The following RTL5 variants were observed in gnomAD, a reference collection of about 807,000 sequenced individuals.
The protein encoded by RTL5 is retrotransposon Gag-like protein 5.
In RTL5, 8 loss-of-function variants were observed where a neutral mutation model predicts 7.7. That is an observed-to-expected ratio of 1.04 (90% CI 0.61 to 1.88). RTL5 has a LOEUF of 1.88. Ranked by LOEUF, RTL5 falls within the 40% of genes most tolerant of loss-of-function variation. RTL5 has a pLI of 0.00. For synonymous variants in RTL5, 188 were observed against 191.8 expected, an observed-to-expected ratio of 0.98 and a Z score of 0.16; for missense variants, 457 against 472.7, an observed-to-expected ratio of 0.97 and a Z score of 0.31.
chrX:72,130,329 T>C, exon 1 of RTL5: 1 of 1,174,523 alleles, frequency 8.5e-7, no homozygotes, highest in Non-Finnish European at 1.2e-6. Flanking sequence ...CCTCCTCCTC[T>C]TTCTGTTTCA....
At chrX:72,131,244 G>C (rs2042294785) in exon 1 of RTL5, 1 of 1,197,951 alleles carries the variant, frequency 8.3e-7, no homozygotes, top group Admixed American at 2.2e-5. Context: ...GATCATCCGA[G>C]ATACAGTCGG....
chrX:72,129,578 C>G (rs149578526), exon 1 of RTL5: 2 of 367,227 alleles, frequency 5.4e-6, no homozygotes, highest in Non-Finnish European at 9.4e-6. Context: ...AGCTCGTGGC[C>G]GGACTGAGCA....
At chrX:72,131,158 G>A in exon 1 of RTL5, 1 of 1,183,583 alleles carries the variant, frequency 8.4e-7, no homozygotes, top group South Asian at 1.8e-5. Flanking sequence ...CAGCGCCGGC[G>A]GGGGCGGGAT....
chrX:72,131,158 G>T, exon 1 of RTL5: 1 of 1,183,577 alleles, frequency 8.4e-7, no homozygotes, highest in Non-Finnish European at 1.1e-6. Flanking sequence ...CAGCGCCGGC[G>T]GGGGCGGGAT....
exon 1 of RTL5, chrX:72,129,652 C>T: frequency 2.1e-6 from 1 of 469,817 alleles, no homozygotes; most frequent in Non-Finnish European, 3.5e-6. Context: ...TGGTTGGGCA[C>T]ACGTCGCTCT....
chrX:72,131,665 C>T lies in RTL5; in HGVS notation c.-125G>A. ...GGGACCGAAGTGCGGCAGCGGGGCA[C>T]GGGCCAGGCCGGGCCACACCCACCG... On this transcript the variant is annotated 5_prime_UTR_variant, in exon 1 of 1. The change creates a new upstream start codon in the 5' untranslated region. Coordinates refer to ENST00000609883, the Ensembl canonical transcript of RTL5. 2 of 609,636 alleles carry T rather than the reference C, an allele frequency of 3.3e-6. No individual in the cohort carries two copies. The highest frequency in any genetic ancestry group is 4.1e-5 in the East Asian group (1 of 24,288). The allele number at this position is 609,636 out of a possible 1,213,427, so 50.2% of individuals were successfully genotyped here. A position where few individuals can be genotyped will look rare whatever the true frequency, so the allele number is the denominator to read the frequency against.
At position 72,131,489 on chromosome X, in the gene RTL5, G is replaced by A. The variant is rs773328666; in HGVS notation, c.52C>T (p.Leu18=). Reference sequence around the variant, plus strand: ...CGAAGGGCATTTAATTCTTCGCGCAGGGCCACATTCGCCATGCGGAGGCTG... The same window carrying A: ...CGAAGGGCATTTAATTCTTCGCGCAAGGCCACATTCGCCATGCGGAGGCTG... The change falls in exon 1 of 1, where the codon CTG becomes TTG. Residue 18 remains leucine (L), a synonymous_variant. Transcript: ENST00000609883. 3.7e-5 allele frequency: 44 copies of A among 1,202,541 alleles called. No individual in the cohort carries two copies. In the East Asian group the frequency reaches 3.9e-4, roughly 11 times the overall value.
At chrX:72,127,932 G>T (rs1240220691) in exon 1 of RTL5, 3 of 112,895 alleles carry the variant, frequency 2.7e-5, no homozygotes, top group African/African-American at 9.7e-5. Context: ...CACTAGAAAG[G>T]AAAGCAGCAA....
chrX:72,130,603 A>G, exon 1 of RTL5: 5 of 1,211,627 alleles, frequency 4.1e-6, no homozygotes, highest in Non-Finnish European at 5.6e-6. Context: ...AGGCTTGGGA[A>G]CGCGCACTTT....
Position 72,129,872 on chromosome X carries a change from G to A in RTL5, c.1669C>T (p.Gln557Ter). ...CCACGAGCAGCTCGGTGGCCCCCCT[G>A]TCTCGGAGTGAGGCGGAAAAGCACA... is the stretch of plus-strand genomic sequence containing the variant. Residue 557 changes from glutamine (Q) to a stop codon, truncating the protein, a stop_gained, in exon 1 of 1, where the codon CAG becomes TAG. Transcript: ENST00000609883. LOFTEE classifies it high-confidence loss of function. 6.6e-6 allele frequency: 8 copies of A among 1,205,461 alleles called. No individual in the cohort carries two copies. The highest frequency in any genetic ancestry group is 7.8e-6 in the Non-Finnish European group (7 of 891,964).
chrX:72,130,921 G>A (rs1318513683), exon 1 of RTL5: 1 of 1,210,253 alleles, frequency 8.3e-7, no homozygotes, highest in Non-Finnish European at 1.1e-6. Context: ...TCCTTCCTGG[G>A]TGACCGAGAT....
exon 1 of RTL5, chrX:72,128,305 G>A (rs1358101367): frequency 8.9e-6 from 1 of 112,206 alleles, no homozygotes; most frequent in East Asian, 2.8e-4. Flanking sequence ...AGACTCCCAT[G>A]AGGAACAGAG....
exon 1 of RTL5, chrX:72,131,578 G>A (rs1329398455): frequency 8.8e-6 from 10 of 1,138,170 alleles, no homozygotes; most frequent in Non-Finnish European, 1.2e-5. Context: ...CCGTGGTGGG[G>A]AAAGGGGAAC....
exon 1 of RTL5, chrX:72,130,025 G>A (rs1028313139): frequency 3.3e-6 from 4 of 1,209,256 alleles, no homozygotes; most frequent in South Asian, 1.8e-5. Flanking sequence ...TGGTTCCTCC[G>A]TCTGCTAGGC....
At chrX:72,129,185 T>C (rs2042257477) in exon 1 of RTL5, 1 of 113,110 alleles carries the variant, frequency 8.8e-6, no homozygotes, top group Admixed American at 9.3e-5. Flanking sequence ...AGGGCAAATC[T>C]CCGTCAAGTT....
chrX:72,131,557 G>T (rs767958753), exon 1 of RTL5: 3 of 1,150,696 alleles, frequency 2.6e-6, no homozygotes, highest in Non-Finnish European at 1.2e-6. Context: ...AAGCCCAGGG[G>T]CCCTGGGGCT....
exon 1 of RTL5, chrX:72,131,060 C>A (rs2042290036): frequency 8.3e-7 from 1 of 1,210,311 alleles, no homozygotes; most frequent in African/African-American, 1.7e-5. Context: ...GCCAGGTAGA[C>A]TGGGTCTCCT....
exon 1 of RTL5, chrX:72,130,395 C>T: frequency 4.2e-6 from 5 of 1,184,513 alleles, no homozygotes; most frequent in Non-Finnish European, 5.7e-6. Context: ...CTTCCTCCTT[C>T]TTCATCTCCT....
chrX:72,131,339 T>A lies in RTL5; in HGVS notation c.202A>T (p.Asn68Tyr), dbSNP rs1282695752. The A allele has an allele frequency of 3.3e-6, 4 of 1,203,283 alleles. No individual in the cohort carries two copies. The Admixed American group carries it at 8.9e-5, about 27-fold the overall frequency. ...ATCTCACTGAGCGCGAACTCCAAGTTCTCCTCCGCAAGGACGGGCACTATG... is the reference window on the plus strand; with the variant it reads ...ATCTCACTGAGCGCGAACTCCAAGTACTCCTCCGCAAGGACGGGCACTATG... Residue 68 changes from asparagine (N) to tyrosine (Y), a missense_variant, in exon 1 of 1, where the codon AAC (asparagine) becomes TAC (tyrosine). Transcript: ENST00000609883.
Sources: gnomAD v4.1 joint callset for allele counts on GRCh38, gnomAD v4.1.1 for gene constraint, MANE v1.5 for transcripts, NCBI Gene and HGNC (gene_info 2026-07-23, HGNC 2026-07-21) for gene names.